EPN3: variants seen among roughly 807,000 people sequenced by gnomAD.
The protein encoded by EPN3 is epsin 3.
In EPN3, 56 loss-of-function variants were observed where a neutral mutation model predicts 55.5. That is an observed-to-expected ratio of 1.01 (90% CI 0.81 to 1.26). EPN3 has a LOEUF of 1.26. Ranked by LOEUF, EPN3 falls within the 50% of genes most tolerant of loss-of-function variation. The probability of loss-of-function intolerance (pLI) is 0.00; values close to 1 mark genes in which losing one functional copy is unlikely to be tolerated. For missense variants in EPN3, 927 were observed against 853.4 expected (o/e 1.09, Z -1.07); for synonymous variants, 449 against 375.2 (o/e 1.20, Z -2.27).
In EPN3 at chr17:50,542,113, C is replaced by G; in HGVS notation, c.1855C>G (p.Pro619Ala). 6.5e-7 allele frequency: 1 copy of G among 1,531,180 alleles called. No individual in the cohort carries two copies. Among genetic ancestry groups the G allele is most frequent in the South Asian group, 1.2e-5 (1 of 83,246 alleles). 94.8% of individuals were successfully genotyped at this position (1,531,180 alleles called of 1,614,324 possible). Residue 619 changes from proline to alanine, a missense_variant, in exon 10 of 10, where the codon CCG (proline) becomes GCG (alanine). Pro to Ala is a conservative substitution (Grantham distance 27). Coordinates refer to ENST00000268933, the MANE Select transcript of EPN3 (RefSeq NM_017957.3). The stretch of plus-strand genomic sequence containing the variant: ...GCTGCCCACGCCGAGCTCAGCCGGG[C>G]CGCGGCCCCCGCCCCCGCAGACCGG... ...PLLPTPSSAG[P>A]RPPPPQTGTN...
At position 50,540,783 on chromosome 17, in the gene EPN3, C is replaced by G; in HGVS notation, c.980-10C>G. On this transcript the variant is annotated splice_polypyrimidine_tract_variant and intron_variant, in intron 6 of 9. Transcript: ENST00000268933. ...GGCCTGGGATCATGTCTATGCTGTTCCCATTTCAGGTTTTAGGCCGAACAC... is the reference window on the plus strand; with the variant it reads ...GGCCTGGGATCATGTCTATGCTGTTGCCATTTCAGGTTTTAGGCCGAACAC... 1.2e-6 allele frequency: 2 copies of G among 1,601,392 alleles called. No individual in the cohort carries two copies. Among genetic ancestry groups the G allele is most frequent in the Non-Finnish European group, 1.7e-6 (2 of 1,171,684 alleles).
chr17:50,538,488 C>T, intron 3 of EPN3: 1 of 489,574 alleles, frequency 2.0e-6, no homozygotes, highest in Non-Finnish European at 3.6e-6. Flanking sequence ...TGTGCTCAGA[C>T]ATATTCCTAG....
At chr17:50,540,418 T>G in intron 6 of EPN3, 84 bp downstream of exon 6, 1 of 1,296,370 alleles carries the variant, frequency 7.7e-7, no homozygotes. Context: ...AAGCACCTCC[T>G]CCCAAAATCT....
chr17:50,533,839 C>T (rs1298085672), intron 1 of EPN3, among the ~76,000 whole-genome samples: 1 of 152,158 alleles, frequency 6.6e-6, no homozygotes, highest in East Asian at 1.9e-4. Flanking sequence ...CAGGCCCTGC[C>T]CTCTCTGTGC....
At chr17:50,533,559 A>G (rs866256592) in intron 1 of EPN3, among the ~76,000 whole-genome samples, 1 of 152,160 alleles carries the variant, frequency 6.6e-6, no homozygotes, top group Non-Finnish European at 1.5e-5. Context: ...GTGACTGGAC[A>G]GATCTGGGTT....
In EPN3 at chr17:50,534,942, T is replaced by C. The variant is rs558743681; in HGVS notation, c.-136-1479T>C. 1.1e-4 allele frequency among the ~76,000 whole-genome samples: 17 copies of C among 152,144 alleles called. 1 individual carries two copies. In the East Asian group the frequency reaches 2.3e-3, roughly 21 times the overall value. ...GGTGGGGGACAGTTCACGGGTGAAG[T>C]GGAGGCTCTGCAGGCCCAGACAGTG... On this transcript the variant is annotated intron_variant, in intron 1 of 9. Coordinates refer to ENST00000268933, the MANE Select transcript of EPN3 (RefSeq NM_017957.3).
At chr17:50,536,362 G>A in intron 1 of EPN3, 59 bp from the exon 2 acceptor site, 1 of 1,395,670 alleles carries the variant, frequency 7.2e-7, no homozygotes, top group South Asian at 1.5e-5. Context: ...GTTGGTCAGT[G>A]GCTGAGTGAC....
rs2034766154 is a variant in EPN3, at chr17:50,536,613, G to A, written c.57G>A (p.Glu19=). 5 of 1,614,098 alleles carry A rather than the reference G, an allele frequency of 3.1e-6. No homozygotes were observed. The highest frequency in any genetic ancestry group is 1.6e-4 in the Middle Eastern group (1 of 6,062). The change falls in exon 2 of 10, where the codon GAG becomes GAA. Residue 19 remains glutamate, a synonymous_variant. Transcript: ENST00000268933. ...AGAACATCGTGCACAACTACTCCGA[G>A]GCAGAAATCAAGGTGCGCGAGGCCA... The part of the protein sequence containing the change: ...QVKNIVHNYS[E]AEIKVREATS...
chr17:50,537,900 C>T lies in EPN3; in HGVS notation c.563-179C>T, dbSNP rs974576282. The stretch of plus-strand genomic sequence containing the variant: ...GAGGGACTGGAGCCGCCCCTCCATC[C>T]GGGATGGGTTGGGATGGGGAACTTA... On this transcript the variant is annotated intron_variant, in intron 2 of 9. Coordinates refer to ENST00000268933, the MANE Select transcript of EPN3 (RefSeq NM_017957.3). 2.9e-5 allele frequency: 17 copies of T among 578,092 alleles called. 1 individual carries two copies. The highest frequency in any genetic ancestry group is 7.6e-5 in the African/African-American group (4 of 52,662). The allele number at this position is 578,092 out of a possible 1,614,324, so 35.8% of individuals were successfully genotyped here.
In EPN3 at chr17:50,539,278, A is replaced by G. The variant is rs966222330; in HGVS notation, c.854A>G (p.Glu285Gly). The G allele has an allele frequency of 5.0e-6, 8 of 1,613,988 alleles. No individual in the cohort carries two copies. The highest frequency in any genetic ancestry group is 5.9e-6 in the Non-Finnish European group (7 of 1,180,030). ...HHQRDREPER[E>G]ERKEEEKLKT... Reference sequence around the variant, plus strand: ...CAGCGGGACAGAGAGCCTGAGAGAGAAGAGAGAAAGGAGGAGGAGAAGCTA... The same window carrying G: ...CAGCGGGACAGAGAGCCTGAGAGAGGAGAGAGAAAGGAGGAGGAGAAGCTA... Residue 285 changes from glutamate (E) to glycine (G), a missense_variant, in exon 5 of 10, where the codon GAA (glutamate) becomes GGA (glycine). Transcript: ENST00000268933.
intron 1 of EPN3, among the ~76,000 whole-genome samples, chr17:50,535,701 G>C (rs1288956871): frequency 8.5e-5 from 13 of 152,186 alleles, no homozygotes; most frequent in Non-Finnish European, 5.9e-5. Flanking sequence ...CCTCTCAACT[G>C]AACGTGGGTG....
Position 50,536,528 on chromosome 17 carries a change from G to A in EPN3, c.-29G>A, listed in dbSNP as rs768277083. On this transcript the variant is annotated 5_prime_UTR_variant, in exon 2 of 10. Transcript: ENST00000268933. ...TCAGCCCTCCACCTCCGGCGGGGGCGAGGGCCACCCACCTCCAAGTCTCCA... is the reference window on the plus strand; with the variant it reads ...TCAGCCCTCCACCTCCGGCGGGGGCAAGGGCCACCCACCTCCAAGTCTCCA... The A allele has an allele frequency of 2.9e-5, 46 of 1,612,394 alleles. No homozygotes were observed. The East Asian group carries it at 7.4e-4, about 26-fold the overall frequency.
chr17:50,535,823 CTGAGGAGCTAGGA>C (rs2034751670), intron 1 of EPN3, among the ~76,000 whole-genome samples: 1 of 152,174 alleles, frequency 6.6e-6, no homozygotes, highest in Non-Finnish European at 1.5e-5. Flanking sequence ...GAAAAGTGAG[CTGAGGAGCTAGGA>C]AGGATAGGTC....
chr17:50,542,097 G>A lies in EPN3; in HGVS notation c.1839G>A (p.Thr613=), dbSNP rs2034858434. The A allele has an allele frequency of 1.9e-6, 3 of 1,556,632 alleles. No individual in the cohort carries two copies. The highest frequency in any genetic ancestry group is 2.6e-6 in the Non-Finnish European group (3 of 1,161,574). Residue 613 remains threonine, a synonymous_variant, in exon 10 of 10, where the codon ACG becomes ACA. Transcript: ENST00000268933. The part of the protein sequence containing the change: ...GAFAPQPLLP[T]PSSAGPRPPP... ...TCGCACCGCAGCCGCTGCTGCCCAC[G>A]CCGAGCTCAGCCGGGCCGCGGCCCC...
At position 50,543,493 on chromosome 17, in the gene EPN3, C is replaced by T. The variant is rs937974527; in HGVS notation, c.*1336C>T. The T allele has an allele frequency of 2.6e-5, 4 of 152,260 alleles. No individual in the cohort carries two copies. The highest frequency in any genetic ancestry group is 5.9e-5 in the Non-Finnish European group (4 of 68,052). 9.4% of individuals were successfully genotyped at this position (152,260 alleles called of 1,614,324 possible). On this transcript the variant is annotated 3_prime_UTR_variant, in exon 10 of 10. Coordinates refer to ENST00000268933, the MANE Select transcript of EPN3 (RefSeq NM_017957.3). ...GCTCTGCAGGCAGCCTGCAGCCAGCCTCCATCCCCCTTTCAGGGACAAATG... is the reference window on the plus strand; with the variant it reads ...GCTCTGCAGGCAGCCTGCAGCCAGCTTCCATCCCCCTTTCAGGGACAAATG...
rs143271373 is a variant in EPN3 at position 50,540,176 on chromosome 17, G to A, written c.892-71G>A. The A allele has an allele frequency of 4.1e-6, 5 of 1,217,972 alleles. No individual in the cohort carries two copies. The East Asian group carries it at 1.2e-4, about 28-fold the overall frequency. 75.4% of individuals were successfully genotyped at this position (1,217,972 alleles called of 1,614,324 possible). ...AAAGAGAATGAACTGGCATTAGCCTGACAGGTCAGGGCCTGCCCTCCCTCC... is the reference window on the plus strand; with the variant it reads ...AAAGAGAATGAACTGGCATTAGCCTAACAGGTCAGGGCCTGCCCTCCCTCC... On this transcript the variant is annotated intron_variant, in intron 5 of 9. Coordinates refer to ENST00000268933, the MANE Select transcript of EPN3 (RefSeq NM_017957.3).
In EPN3 at chr17:50,542,229, G is replaced by T. The variant is rs921624993; in HGVS notation, c.*72G>T. The T allele has an allele frequency of 2.2e-6, 3 of 1,386,766 alleles. No homozygotes were observed. Among genetic ancestry groups the T allele is most frequent in the Admixed American group, 3.7e-5 (1 of 27,178 alleles). The allele number at this position is 1,386,766 out of a possible 1,614,324, so 85.9% of individuals were successfully genotyped here. On this transcript the variant is annotated 3_prime_UTR_variant, in exon 10 of 10. Transcript: ENST00000268933. ...CGGCCCCGCCTCCGGACCCGGGGCT[G>T]GGCGGGGCGCCGGTGCTAGTGGAAC...
rs1459408973 is a variant in EPN3, at chr17:50,536,363, G to A, written c.-136-58G>A. The A allele has an allele frequency of 1.9e-5, 26 of 1,397,838 alleles. No individual in the cohort carries two copies. The East Asian group carries it at 5.6e-4, about 30-fold the overall frequency. 86.6% of individuals were successfully genotyped at this position (1,397,838 alleles called of 1,614,324 possible). ...CCAGGCCTCATTTAGTTGGTCAGTG[G>A]CTGAGTGACCCATGAGGTAGGCCTC... On this transcript the variant is annotated intron_variant, in intron 1 of 9. Coordinates refer to ENST00000268933, the MANE Select transcript of EPN3 (RefSeq NM_017957.3).
rs750293439 is a variant in EPN3, at chr17:50,541,552, A to G, written c.1443A>G (p.Glu481=). 2 of 1,614,198 alleles carry G rather than the reference A, an allele frequency of 1.2e-6. No homozygotes were observed. Among genetic ancestry groups the G allele is most frequent in the Admixed American group, 1.7e-5 (1 of 60,022 alleles). Residue 481 remains glutamate, a synonymous_variant, in exon 9 of 10, where the codon GAA becomes GAG. Coordinates refer to ENST00000268933, the MANE Select transcript of EPN3 (RefSeq NM_017957.3). ...CCCTGGACCTGGGCATACTAGGGGAAGCACTAACCCAGCCAAGCAAAGAGG... is the reference window on the plus strand; with the variant it reads ...CCCTGGACCTGGGCATACTAGGGGAGGCACTAACCCAGCCAAGCAAAGAGG... The part of the protein sequence containing the change: ...PDALDLGILG[E]ALTQPSKEAR...
Sources: allele counts gnomAD v4.1 joint callset (sites outside exome capture counted in the v4.1 genomes callset), GRCh38; gene constraint gnomAD v4.1.1; transcripts MANE v1.5; gene names NCBI Gene and HGNC (gene_info 2026-07-23, HGNC 2026-07-21).